Variants in DAB1 observed in about 807,000 individuals in gnomAD.
DAB1 encodes DAB adaptor protein 1, also known as disabled homolog 1.
DAB1 carries 15 observed loss-of-function variants against 64.6 expected under a neutral mutation model. The ratio of observed to expected loss-of-function variants is 0.23; its 90% CI spans 0.16 to 0.36. The LOEUF is 0.36. DAB1 is among the 10% of genes least tolerant of loss of function. The pLI is 1.00. For missense variants in DAB1, 596 were observed against 706.7 expected, an observed-to-expected ratio of 0.84 and a Z score of 1.78; for synonymous variants, 235 against 251.9, an observed-to-expected ratio of 0.93 and a Z score of 0.64.
chr1:58,015,077 G>C (rs1158712564), intron 5 of DAB1, among the ~76,000 whole-genome samples: 2 of 152,202 alleles, frequency 1.3e-5, no homozygotes, highest in East Asian at 3.9e-4. Context: ...AGAGAGAGCA[G>C]AGAGGCAGCT....
chr1:57,806,725 C>T (rs1298865769), intron 6 of DAB1, among the ~76,000 whole-genome samples: 3 of 152,170 alleles, frequency 2.0e-5, no homozygotes, highest in South Asian at 2.1e-4. Flanking sequence ...TTCCCCCAGT[C>T]GCCACATAGC....
intron 3 of DAB1, among the ~76,000 whole-genome samples, chr1:58,344,550 TG>T (rs1643974080): frequency 6.6e-6 from 1 of 152,194 alleles, no homozygotes; most frequent in South Asian, 2.1e-4. Context: ...CTCCACCCCC[TG>T]CCTCAGTCTT....
Position 57,317,949 on chromosome 1 carries a change from A to G in DAB1, c.-136-26783T>C, listed in dbSNP as rs1002352411. On this transcript the variant is annotated intron_variant, in intron 1 of 14. Transcript: ENST00000371236. ...GCCTAGTCTGCTTTTGTGAAGATCA[A>G]CTAGCAAGGAGAGACAGACATGGAC... Among the ~76,000 whole-genome samples, 3 of 152,174 alleles carry G rather than the reference A, an allele frequency of 2.0e-5. No homozygotes were observed. In the South Asian group the frequency reaches 6.2e-4, roughly 32 times the overall value.
At chr1:58,071,947 C>T (rs1649288512) in intron 5 of DAB1, among the ~76,000 whole-genome samples, 1 of 152,048 alleles carries the variant, frequency 6.6e-6, no homozygotes. Flanking sequence ...ATAATTCCCA[C>T]CCTCTTGAAG....
Position 57,015,227 on chromosome 1 carries a change from A to G in DAB1, c.1100T>C (p.Met367Thr), listed in dbSNP as rs748381538. ...VAGQFPPAAF[M>T]PTQTVMPLPA... ...CAAAGGCATAACAGTTTGTGTGGGC[A>G]TGAAGGCGGCTGGCGGAAACTGCCC... Residue 367 changes from methionine to threonine, a missense_variant, in exon 12 of 15, where the codon ATG becomes ACG. This residue lies in a region of DAB1 where 377 missense variants were observed against 400.4 expected (regional missense o/e 0.94). Transcript: ENST00000371236. The G allele has an allele frequency of 6.2e-7, 1 of 1,613,956 alleles. No homozygotes were observed. Among genetic ancestry groups the G allele is most frequent in the African/African-American group, 1.3e-5 (1 of 74,922 alleles).
At chr1:57,159,787 C>A (rs76425295) in intron 2 of DAB1, among the ~76,000 whole-genome samples, 3,947 of 123,610 alleles carry the variant, frequency 0.032, 175 homozygotes, top group African/African-American at 0.11. Flanking sequence ...TTTTTCCAGA[C>A]AAAGGAAAGC....
At chr1:57,293,519 C>A (rs1672951075) in intron 1 of DAB1, among the ~76,000 whole-genome samples, 1 of 152,046 alleles carries the variant, frequency 6.6e-6, no homozygotes, top group Admixed American at 6.6e-5. Context: ...GGCATGCCTC[C>A]TGGTAAGCAT....
intron 6 of DAB1, among the ~76,000 whole-genome samples, chr1:57,763,808 G>C (rs2101821271): frequency 6.6e-6 from 1 of 152,278 alleles, no homozygotes; most frequent in South Asian, 2.1e-4. Context: ...AAAGACTTCA[G>C]GAGGGTTTTC....
intron 4 of DAB1, among the ~76,000 whole-genome samples, chr1:57,117,969 G>C (rs749855165): frequency 2.0e-5 from 3 of 152,184 alleles, no homozygotes; most frequent in Non-Finnish European, 2.9e-5. Context: ...TGCATCAGGA[G>C]CCAAAGGCTA....
intron 4 of DAB1, among the ~76,000 whole-genome samples, chr1:58,210,890 G>C (rs1272529359): frequency 6.6e-6 from 1 of 152,168 alleles, no homozygotes; most frequent in Non-Finnish European, 1.5e-5. Context: ...GAAGGAATCT[G>C]GGGGCTTAGA....
At position 57,026,748 on chromosome 1, in the gene DAB1, A is replaced by T. The variant is rs116035866; in HGVS notation, c.724-705T>A. Among the ~76,000 whole-genome samples, 647 of 152,286 alleles carry T rather than the reference A, an allele frequency of 4.2e-3. 7 individuals are homozygous for T. Among genetic ancestry groups the T allele is most frequent in the African/African-American group, 0.013 (545 of 41,554 alleles). ...GTATACACCATTAATCACTCCTAGG[A>T]ACTCCATCACTGCAGACACTGCATC... On this transcript the variant is annotated intron_variant, in intron 9 of 14. Transcript: ENST00000371236.
chr1:57,707,067 T>C (rs1168667644), intron 6 of DAB1, among the ~76,000 whole-genome samples: 1 of 151,784 alleles, frequency 6.6e-6, no homozygotes, highest in Non-Finnish European at 1.5e-5. Context: ...AGAGTGAAAC[T>C]CCATCTCAAA....
chr1:57,221,265 G>A (rs1294489047), intron 2 of DAB1, among the ~76,000 whole-genome samples: 2 of 151,726 alleles, frequency 1.3e-5, no homozygotes, highest in African/African-American at 4.8e-5. Flanking sequence ...GGGGATGGGG[G>A]AGGGATAGCA....
At chr1:57,005,955 A>G (rs1646051404) in intron 14 of DAB1, among the ~76,000 whole-genome samples, 1 of 152,246 alleles carries the variant, frequency 6.6e-6, no homozygotes, top group Non-Finnish European at 1.5e-5. Flanking sequence ...CAGTGGTTCT[A>G]GAAACAGTGA....
chr1:58,229,820 A>G (rs1359846555), intron 4 of DAB1, among the ~76,000 whole-genome samples: 5 of 152,228 alleles, frequency 3.3e-5, no homozygotes, highest in Non-Finnish European at 7.3e-5. Flanking sequence ...ACGACTAAAA[A>G]TTCACAACAA....
At chr1:57,846,071 G>A (rs962891686) in intron 1 of DAB1, among the ~76,000 whole-genome samples, 2 of 152,052 alleles carry the variant, frequency 1.3e-5, no homozygotes, top group Admixed American at 6.5e-5. Flanking sequence ...AGAGTGTGGG[G>A]GAGGGTTATT....
intron 3 of DAB1, among the ~76,000 whole-genome samples, chr1:58,417,123 T>A (rs546995128): frequency 6.6e-6 from 1 of 152,258 alleles, no homozygotes; most frequent in African/African-American, 2.4e-5. Context: ...GCTGTACACA[T>A]GGGAGGGCAT....
intron 7 of DAB1, among the ~76,000 whole-genome samples, chr1:57,641,437 G>T (rs1307935781): frequency 1.5e-5 from 2 of 130,146 alleles, no homozygotes; most frequent in Non-Finnish European, 3.1e-5. Flanking sequence ...AGGCTAGAGT[G>T]CAGTGGTATA....
intron 2 of DAB1, among the ~76,000 whole-genome samples, chr1:57,272,675 A>G (rs1671106228): frequency 6.6e-6 from 1 of 152,196 alleles, no homozygotes; most frequent in African/African-American, 2.4e-5. Flanking sequence ...TTGTAACTCT[A>G]AAGACAGTAA....
Sources: gnomAD v4.1 joint callset for allele counts (sites outside exome capture counted in the v4.1 genomes callset) on GRCh38, gnomAD v4.1.1 for gene constraint, gnomAD v4.1.1 regional missense constraint, MANE v1.5 for transcripts, NCBI Gene and HGNC (gene_info 2026-07-23, HGNC 2026-07-21) for gene names.